The following GRM7 variants were observed in gnomAD, a reference collection of about 807,000 sequenced individuals.
GRM7 encodes the protein metabotropic glutamate receptor 7.
Under a neutral mutation model 84.5 loss-of-function variants are expected in GRM7, and 35 were observed. That is an observed-to-expected ratio of 0.41 (90% CI 0.32 to 0.55). GRM7 has a LOEUF of 0.55. GRM7 is among the 20% of genes least tolerant of loss of function. The pLI, the probability that GRM7 is intolerant of heterozygous loss-of-function variation, is 0.19. For missense variants in GRM7, 1,003 were observed against 1,194.6 expected (o/e 0.84, Z 2.36); for synonymous variants, 487 against 455.1 (o/e 1.07, Z -0.89).
At chr3:7,436,637 T>G (rs1474966319) in intron 5 of GRM7, among the ~76,000 whole-genome samples, 2 of 152,184 alleles carry the variant, frequency 1.3e-5, no homozygotes, top group Admixed American at 1.3e-4. Flanking sequence ...CTGAATATTG[T>G]GCTGTTTTCT....
At chr3:6,877,093 A>G (rs1695336490) in intron 1 of GRM7, among the ~76,000 whole-genome samples, 1 of 152,244 alleles carries the variant, frequency 6.6e-6, no homozygotes, top group South Asian at 2.1e-4. Context: ...GTTTTATGAC[A>G]TTAATAAATA....
intron 8 of GRM7, among the ~76,000 whole-genome samples, chr3:7,628,101 C>G (rs1697700576): frequency 6.6e-6 from 1 of 152,146 alleles, no homozygotes; most frequent in Non-Finnish European, 1.5e-5. Flanking sequence ...CTTCAAAGCA[C>G]AGCTCTCAAA....
At chr3:7,265,535 G>C (rs1698604701) in intron 2 of GRM7, among the ~76,000 whole-genome samples, 1 of 152,148 alleles carries the variant, frequency 6.6e-6, no homozygotes, top group Non-Finnish European at 1.5e-5. Flanking sequence ...CTGTCATCCA[G>C]AGGTGTTTGG....
chr3:7,215,193 AC>A (rs1696560671), intron 2 of GRM7, among the ~76,000 whole-genome samples: 1 of 152,148 alleles, frequency 6.6e-6, no homozygotes, highest in Non-Finnish European at 1.5e-5. Context: ...ATGGGGCAAG[AC>A]CTAGTAATGT....
intron 2 of GRM7, among the ~76,000 whole-genome samples, chr3:7,295,775 T>C (rs1390247560): frequency 3.3e-5 from 5 of 151,662 alleles, no homozygotes; most frequent in African/African-American, 1.2e-4. Context: ...GTTCATATCC[T>C]GCAACCTTGT....
chr3:7,718,187 A>G (rs1311134173), intron 9 of GRM7, among the ~76,000 whole-genome samples: 2 of 152,156 alleles, frequency 1.3e-5, no homozygotes, highest in Admixed American at 6.5e-5. Context: ...CAGTCTGTGC[A>G]TAGCACTTAG....
intron 1 of GRM7, among the ~76,000 whole-genome samples, chr3:7,073,619 G>A (rs982136502): frequency 7.2e-5 from 11 of 152,134 alleles, no homozygotes; most frequent in Non-Finnish European, 1.2e-4. Flanking sequence ...TGCATCTGTT[G>A]AACATAGAAA....
chr3:7,271,411 T>A (rs977485981), intron 2 of GRM7, among the ~76,000 whole-genome samples: 1 of 151,492 alleles, frequency 6.6e-6, no homozygotes, highest in African/African-American at 2.4e-5. Context: ...TACAAAAAAT[T>A]AGCCGGGCGT....
intron 4 of GRM7, among the ~76,000 whole-genome samples, chr3:7,400,428 C>G (rs981697626): frequency 6.6e-6 from 1 of 152,162 alleles, no homozygotes; most frequent in African/African-American, 2.4e-5. Flanking sequence ...CATCCTGACT[C>G]TTTATACGGC....
chr3:7,253,466 A>T (rs1698080348), intron 2 of GRM7, among the ~76,000 whole-genome samples: 1 of 151,836 alleles, frequency 6.6e-6, no homozygotes, highest in African/African-American at 2.4e-5. Context: ...AATACAAAAA[A>T]ATTAGCCAGG....
At chr3:6,947,797 C>T (rs181432138) in intron 1 of GRM7, among the ~76,000 whole-genome samples, 49 of 152,120 alleles carry the variant, frequency 3.2e-4, no homozygotes, top group African/African-American at 1.1e-3. Context: ...GTGTATGTGT[C>T]GAGGAATTTA....
chr3:7,037,564 G>A (rs1696429746), intron 1 of GRM7, among the ~76,000 whole-genome samples: 2 of 152,170 alleles, frequency 1.3e-5, no homozygotes, highest in South Asian at 2.1e-4. Flanking sequence ...AATTGGAACT[G>A]AGGTGCTTTT....
intron 2 of GRM7, among the ~76,000 whole-genome samples, chr3:7,284,890 A>C (rs1470705443): frequency 6.6e-6 from 1 of 152,122 alleles, no homozygotes; most frequent in Non-Finnish European, 1.5e-5. Context: ...TCCCTATAAA[A>C]TATAATGCTT....
At chr3:7,507,292 GTGTC>G (rs1292229382) in intron 7 of GRM7, among the ~76,000 whole-genome samples, 2 of 152,138 alleles carry the variant, frequency 1.3e-5, no homozygotes, top group African/African-American at 2.4e-5. Context: ...TTATTGCAGA[GTGTC>G]TGGTCAGGAC....
chr3:7,278,541 T>C (rs1302944759), intron 2 of GRM7, among the ~76,000 whole-genome samples: 2 of 152,192 alleles, frequency 1.3e-5, no homozygotes, highest in African/African-American at 4.8e-5. Flanking sequence ...TATTCATTCA[T>C]TATTTAATTG....
intron 1 of GRM7, among the ~76,000 whole-genome samples, chr3:6,904,299 A>G (rs1429063284): frequency 6.6e-6 from 1 of 152,098 alleles, no homozygotes; most frequent in East Asian, 1.9e-4. Context: ...GACACTGTGC[A>G]GGATTGTATT....
chr3:7,484,223 G>GT (rs1163479476), intron 7 of GRM7, among the ~76,000 whole-genome samples: 3 of 152,168 alleles, frequency 2.0e-5, no homozygotes, highest in African/African-American at 7.2e-5. Context: ...ACGTGGGTTT[G>GT]TTTTTTGGTA....
At chr3:7,299,566 C>T (rs1164768917) in intron 3 of GRM7, among the ~76,000 whole-genome samples, 1 of 152,120 alleles carries the variant, frequency 6.6e-6, no homozygotes, top group Non-Finnish European at 1.5e-5. Flanking sequence ...AAGTTCTCTC[C>T]AGGTACAATA....
chr3:7,638,249 GA>G (rs1204913644), intron 8 of GRM7, among the ~76,000 whole-genome samples: 1 of 152,148 alleles, frequency 6.6e-6, no homozygotes. Context: ...ATCCAATGAT[GA>G]AAGTAGAAGC....
Sources: gnomAD v4.1 joint callset for allele counts (sites outside exome capture counted in the v4.1 genomes callset) on GRCh38, gnomAD v4.1.1 for gene constraint, MANE v1.5 for transcripts, NCBI Gene and HGNC (gene_info 2026-07-23, HGNC 2026-07-21) for gene names.